Variants in CDC42BPG observed in about 807,000 individuals in gnomAD.
CDC42BPG encodes CDC42 binding protein kinase gamma.
In CDC42BPG, 157 loss-of-function variants were observed where a neutral mutation model predicts 192.2. The ratio of observed to expected loss-of-function variants is 0.82; its 90% CI spans 0.72 to 0.93. The LOEUF (loss-of-function observed/expected upper bound fraction) is 0.93. Among genes scored for constraint, CDC42BPG ranks in the 40% least tolerant of loss-of-function variants. CDC42BPG has a pLI of 0.00. For missense variants in CDC42BPG, 1,992 were observed against 2,122.1 expected, an observed-to-expected ratio of 0.94 and a Z score of 1.20; for synonymous variants, 981 against 918.5, an observed-to-expected ratio of 1.07 and a Z score of -1.23.
chr11:64,839,254 G>A, intron 6 of CDC42BPG, 21 bp from the exon 7 acceptor site: 1 of 1,612,628 alleles, frequency 6.2e-7, no homozygotes, highest in South Asian at 1.1e-5. Context: ...TGGTGGTGAA[G>A]CCATGAGGAC....
Position 64,827,562 on chromosome 11 carries a change from T to C in CDC42BPG, c.4115A>G (p.Lys1372Arg). ...GTTCCTGAGGTAGGTCAGGCGGACC[T>C]TCTCGGTGCCGTAGAGGAACAGGGA... Reference protein sequence around the residue: ...EGSLFLYGTEKVRLTYLRNQL... With the variant: ...EGSLFLYGTERVRLTYLRNQL... The change falls in exon 32 of 37, where the codon AAG becomes AGG. Residue 1372 changes from lysine to arginine, a missense_variant. Physicochemically the swap from Lys to Arg is conservative, Grantham distance 26 (BLOSUM62 2). This residue lies in a region of CDC42BPG where 336 missense variants were observed against 277.9 expected (regional missense o/e 1.21). Coordinates refer to ENST00000342711, the MANE Select transcript of CDC42BPG (RefSeq NM_017525.3). 6.2e-7 allele frequency: 1 copy of C among 1,612,434 alleles called. No homozygotes were observed. Among genetic ancestry groups the C allele is most frequent in the Non-Finnish European group, 8.5e-7 (1 of 1,179,102 alleles).
chr11:64,834,443 C>A lies in CDC42BPG; in HGVS notation c.2310G>T (p.Gln770His). The A allele has an allele frequency of 6.4e-7, 1 of 1,567,194 alleles. No homozygotes were observed. Among genetic ancestry groups the A allele is most frequent in the South Asian group, 1.2e-5 (1 of 86,358 alleles). The change falls in exon 19 of 37, where the codon CAG (glutamine) becomes CAT (histidine). Residue 770 changes from glutamine to histidine, a missense_variant. Physicochemically the swap from Gln to His is conservative, Grantham distance 24 (BLOSUM62 0). This residue lies in a region of CDC42BPG where 1,656 missense variants were observed against 1,844.3 expected (regional missense o/e 0.90). Coordinates refer to ENST00000342711, the MANE Select transcript of CDC42BPG (RefSeq NM_017525.3). Reference protein sequence around the residue: ...QERLTQVQEAQLQAERRLQEA... With the variant: ...QERLTQVQEAHLQAERRLQEA... ...CCTAGCCTCACCGCTCAGCCTGCAG[C>A]TGGGCCTCCTGCACCTGTGTCAGCC... is the stretch of plus-strand genomic sequence containing the variant.
chr11:64,824,561 AG>A lies in CDC42BPG; in HGVS notation c.4600-33del, dbSNP rs750699240. 2.0e-6 allele frequency: 3 copies of A among 1,517,484 alleles called. No individual in the cohort carries two copies. The Admixed American group carries it at 5.1e-5, about 26-fold the overall frequency. 94.0% of individuals were successfully genotyped at this position (1,517,484 alleles called of 1,614,324 possible). A position where few individuals can be genotyped will look rare whatever the true frequency, so the allele number is the denominator to read the frequency against. On this transcript the variant is annotated intron_variant, in intron 36 of 36. Coordinates refer to ENST00000342711, the MANE Select transcript of CDC42BPG (RefSeq NM_017525.3). ...GAGAAAGAAAAGGAAGTCAAGGGGT[AG>A]GATCAGGAAGAACTCTTTCCTCATA... is the stretch of plus-strand genomic sequence containing the variant.
Position 64,840,376 on chromosome 11 carries a change from G to T in CDC42BPG, c.433-108C>A, listed in dbSNP as rs182104023. The T allele has an allele frequency of 6.1e-3, 9,086 of 1,486,392 alleles. 25 individuals carry two copies. The highest frequency in any genetic ancestry group is 7.2e-3 in the Non-Finnish European group (7,926 of 1,103,530). 92.1% of individuals were successfully genotyped at this position (1,486,392 alleles called of 1,614,324 possible). A position where few individuals can be genotyped will look rare whatever the true frequency, so the allele number is the denominator to read the frequency against. Reference sequence around the variant, plus strand: ...CAGGCCTGCATCTCCCAGCAGCTCTGGGCTGGCCAGTTCCCAGCCAGGGCT... The same window carrying T: ...CAGGCCTGCATCTCCCAGCAGCTCTTGGCTGGCCAGTTCCCAGCCAGGGCT... On this transcript the variant is annotated intron_variant, in intron 4 of 36. Coordinates refer to ENST00000342711, the MANE Select transcript of CDC42BPG (RefSeq NM_017525.3).
chr11:64,840,773 C>G, intron 3 of CDC42BPG, 125 bp from the exon 4 acceptor site: 1 of 759,196 alleles, frequency 1.3e-6, no homozygotes, highest in Non-Finnish European at 2.2e-6. Context: ...CATAGCTCTA[C>G]TGTCCCCTGT....
chr11:64,843,317 A>G (rs1309914548), intron 1 of CDC42BPG, among the ~76,000 whole-genome samples: 2 of 151,972 alleles, frequency 1.3e-5, no homozygotes, highest in Admixed American at 6.5e-5. Context: ...GTGTGTGCAA[A>G]CACACACACG....
chr11:64,827,698 C>T lies in CDC42BPG; in HGVS notation c.4053G>A (p.Val1351=). 4.3e-6 allele frequency: 7 copies of T among 1,611,852 alleles called. No homozygotes were observed. The highest frequency in any genetic ancestry group is 5.9e-6 in the Non-Finnish European group (7 of 1,178,490). ...DVRRAEWVQT[V]PLKKVRPLNP... ...GGCGGACCCTCACCTTCTTGAGCGG[C>T]ACGGTCTGCACCCATTCTGCCCTCC... The change falls in exon 31 of 37, where the codon GTG becomes GTA. Residue 1351 remains valine, a synonymous_variant. Coordinates refer to ENST00000342711, the MANE Select transcript of CDC42BPG (RefSeq NM_017525.3).
rs1009029410 is a variant in CDC42BPG at position 64,840,637 on chromosome 11, G to A, written c.348C>T (p.Phe116=). 74 of 1,613,712 alleles carry A rather than the reference G, an allele frequency of 4.6e-5. No individual in the cohort carries two copies. Among genetic ancestry groups the A allele is most frequent in the Non-Finnish European group, 6.0e-5 (71 of 1,180,012 alleles). ...TCACGAGCACATCCCGCTCCTCCCG[G>A]AAACAGGCTGTCTGCAGCAGGTTTG... ...EMLKRAETAC[F]REERDVLVKG... The change falls in exon 4 of 37, where the codon TTC becomes TTT. Residue 116 remains phenylalanine (F), a synonymous_variant. Transcript: ENST00000342711.
intron 23 of CDC42BPG, 77 bp from the exon 24 acceptor site, chr11:64,833,413 G>A: frequency 5.0e-6 from 5 of 1,007,472 alleles, no homozygotes; most frequent in East Asian, 5.2e-5. Context: ...GAAAGACAAG[G>A]GGCTGAGCCA....
intron 1 of CDC42BPG, among the ~76,000 whole-genome samples, chr11:64,842,844 T>A (rs1943339482): frequency 6.6e-6 from 1 of 152,118 alleles, no homozygotes. Flanking sequence ...CTGCCTCAGT[T>A]TCCCCCTGCC....
intron 30 of CDC42BPG, among the ~76,000 whole-genome samples, chr11:64,828,146 G>C (rs1454209121): frequency 1.3e-5 from 2 of 152,178 alleles, no homozygotes; most frequent in Non-Finnish European, 2.9e-5. Context: ...TGGGCAGCTT[G>C]GGTGATATGC....
intron 5 of CDC42BPG, 57 bp downstream of exon 5, chr11:64,840,059 CAGCT>C: frequency 2.0e-6 from 3 of 1,520,876 alleles, no homozygotes; most frequent in Non-Finnish European, 2.7e-6. Context: ...GTCCCCAGCA[CAGCT>C]GGCAGGGGTT....
chr11:64,824,344 T>G lies in CDC42BPG; in HGVS notation c.*129A>C. 1 of 783,316 alleles carries G rather than the reference T, an allele frequency of 1.3e-6. No homozygotes were observed. Among genetic ancestry groups the G allele is most frequent in the Non-Finnish European group, 2.3e-6 (1 of 430,160 alleles). 48.5% of individuals were successfully genotyped at this position (783,316 alleles called of 1,614,324 possible). A position where few individuals can be genotyped will look rare whatever the true frequency, so the allele number is the denominator to read the frequency against. On this transcript the variant is annotated 3_prime_UTR_variant, in exon 37 of 37. Transcript: ENST00000342711. ...GAACCCAGGCAAGTCTCCCAGTCATTGCCCAGCCCGGGTCCTCCCTGAGTC... is the reference window on the plus strand; with the variant it reads ...GAACCCAGGCAAGTCTCCCAGTCATGGCCCAGCCCGGGTCCTCCCTGAGTC...
Position 64,841,919 on chromosome 11 carries a change from G to C in CDC42BPG, c.161-15C>G. ...GAAGGGGCTGGCTGAGGGGACACAG[G>C]GCGGGACTCAGAGTGCAGGGAGGGA... On this transcript the variant is annotated splice_polypyrimidine_tract_variant and intron_variant, in intron 1 of 36. Coordinates refer to ENST00000342711, the MANE Select transcript of CDC42BPG (RefSeq NM_017525.3). 1 of 1,578,244 alleles carries C rather than the reference G, an allele frequency of 6.3e-7. No individual in the cohort carries two copies. The highest frequency in any genetic ancestry group is 8.6e-7 in the Non-Finnish European group (1 of 1,159,696).
chr11:64,835,547 C>T lies in CDC42BPG; in HGVS notation c.1833G>A (p.Lys611=). 1 of 1,592,270 alleles carries T rather than the reference C, an allele frequency of 6.3e-7. No homozygotes were observed. Among genetic ancestry groups the T allele is most frequent in the Non-Finnish European group, 8.5e-7 (1 of 1,173,066 alleles). Residue 611 remains lysine (K), a synonymous_variant, in exon 15 of 37, where the codon AAG becomes AAA. Coordinates refer to ENST00000342711, the MANE Select transcript of CDC42BPG (RefSeq NM_017525.3). ...GCTGCTCTCGCAGGGCGGCCACCTC[C>T]TTCCTCAGTTGGGCCTCCTGAGGCC... The part of the protein sequence containing the change: ...EGGPQEAQLR[K]EVAALREQLE...
At chr11:64,842,934 C>G (rs1411721623) in intron 1 of CDC42BPG, among the ~76,000 whole-genome samples, 1 of 152,150 alleles carries the variant, frequency 6.6e-6, no homozygotes, top group Non-Finnish European at 1.5e-5. Flanking sequence ...GGCAGAAGCC[C>G]GCAGCGGGGG....
At chr11:64,837,314 C>A (rs999310170) in intron 9 of CDC42BPG, among the ~76,000 whole-genome samples, 3 of 152,210 alleles carry the variant, frequency 2.0e-5, no homozygotes, top group Non-Finnish European at 4.4e-5. Context: ...CAAGGCCTCT[C>A]CCCAGGGCTG....
At position 64,823,555 on chromosome 11, in the gene CDC42BPG, C is replaced by A. The variant is rs1483012724; in HGVS notation, c.*918G>T. On this transcript the variant is annotated 3_prime_UTR_variant, in exon 37 of 37. Transcript: ENST00000342711. ...TGACTGTGATCAATAGTAAAATGCG[C>A]CCTAGTTTCCAATACACAACTGGTT... 6.6e-6 allele frequency: 1 copy of A among 152,062 alleles called. No individual in the cohort carries two copies. The highest frequency in any genetic ancestry group is 1.5e-5 in the Non-Finnish European group (1 of 68,010). The allele number at this position is 152,062 out of a possible 1,614,324, so 9.4% of individuals were successfully genotyped here.
intron 18 of CDC42BPG, 87 bp from the exon 19 acceptor site, chr11:64,834,664 T>C: frequency 6.9e-7 from 1 of 1,446,368 alleles, no homozygotes; most frequent in Non-Finnish European, 9.2e-7. Context: ...CTGCTACCCA[T>C]GCCACCCAGC....
Sources: allele counts gnomAD v4.1 joint callset (sites outside exome capture counted in the v4.1 genomes callset), GRCh38; gene constraint gnomAD v4.1.1; regional missense constraint gnomAD v4.1.1; transcripts MANE v1.5; gene names NCBI Gene and HGNC (gene_info 2026-07-23, HGNC 2026-07-21).